Variants in MAP2K6 observed in about 807,000 individuals in gnomAD.
MAP2K6 encodes mitogen-activated protein kinase kinase 6.
Under a neutral mutation model 53.7 loss-of-function variants are expected in MAP2K6, and 16 were observed. The observed-to-expected ratio is 0.30, with a 90% CI of 0.20 to 0.45. MAP2K6 has a LOEUF of 0.45. Among genes scored for constraint, MAP2K6 ranks in the 20% least tolerant of loss-of-function variants. The pLI is 1.00. For synonymous variants in MAP2K6, 132 were observed against 143.1 expected, an observed-to-expected ratio of 0.92 and a Z score of 0.55; for missense variants, 204 against 411.9, an observed-to-expected ratio of 0.50 and a Z score of 4.37.
intron 9 of MAP2K6, among the ~76,000 whole-genome samples, chr17:69,525,857 C>A (rs1348358223): frequency 6.6e-6 from 1 of 152,140 alleles, no homozygotes; most frequent in Non-Finnish European, 1.5e-5. Flanking sequence ...ACATGATAAC[C>A]AATAGGATGA....
intron 1 of MAP2K6, among the ~76,000 whole-genome samples, chr17:69,481,606 T>C (rs1567833841): frequency 6.6e-6 from 1 of 152,166 alleles, no homozygotes. Context: ...CAAGGTGTTA[T>C]TAGGATTAAT....
chr17:69,486,673 A>C (rs1413491512), intron 1 of MAP2K6, among the ~76,000 whole-genome samples: 1 of 152,238 alleles, frequency 6.6e-6, no homozygotes, highest in Admixed American at 6.5e-5. Context: ...TCGCAGACAC[A>C]ACTTTTCAAA....
rs76869769 is a variant in MAP2K6, at chr17:69,507,851, T to A, written c.83+2005T>A. On this transcript the variant is annotated intron_variant, in intron 2 of 11. Coordinates refer to ENST00000590474, the MANE Select transcript of MAP2K6 (RefSeq NM_002758.4). ...CTGGGGTGTAAGCCCAATAGTGCAA[T>A]TGCTGGGTTATATGGTAAGCCCATC... Among the ~76,000 whole-genome samples the A allele has an allele frequency of 7.8e-3, 1,184 of 152,310 alleles. 13 individuals carry two copies. The highest frequency in any genetic ancestry group is 0.026 in the African/African-American group (1,082 of 41,562).
At chr17:69,486,520 G>A (rs1257914318) in intron 1 of MAP2K6, among the ~76,000 whole-genome samples, 2 of 152,188 alleles carry the variant, frequency 1.3e-5, no homozygotes, top group African/African-American at 2.4e-5. Context: ...GAAGTGAGAA[G>A]CATCAGGTTG....
intron 11 of MAP2K6, among the ~76,000 whole-genome samples, chr17:69,541,001 C>A (rs1051456018): frequency 2.0e-5 from 3 of 152,222 alleles, no homozygotes; most frequent in African/African-American, 7.2e-5. Context: ...TGGTGGCACA[C>A]GCCTGCAATC....
intron 1 of MAP2K6, among the ~76,000 whole-genome samples, chr17:69,475,950 T>C (rs1908135446): frequency 6.6e-6 from 1 of 152,218 alleles, no homozygotes; most frequent in South Asian, 2.1e-4. Flanking sequence ...ACTCTTAAGA[T>C]GCGAACCATG....
intron 9 of MAP2K6, among the ~76,000 whole-genome samples, 169 bp from the exon 10 acceptor site, chr17:69,526,401 G>A (rs1242441143): frequency 1.3e-5 from 2 of 152,166 alleles, no homozygotes; most frequent in East Asian, 3.9e-4. Flanking sequence ...GGAATTTGGG[G>A]AAAATTGCTA....
chr17:69,479,252 ACT>A (rs1276395665), intron 1 of MAP2K6, among the ~76,000 whole-genome samples: 1 of 152,144 alleles, frequency 6.6e-6, no homozygotes, highest in Non-Finnish European at 1.5e-5. Context: ...TTCATGGCCT[ACT>A]TCTTCCAAGC....
At chr17:69,446,976 CTTTTT>C (rs71357721) in intron 1 of MAP2K6, among the ~76,000 whole-genome samples, 1 of 129,518 alleles carries the variant, frequency 7.7e-6, no homozygotes. Context: ...ACCTCTGTTT[CTTTTT>C]TTTTTTTTTT....
rs564768778 is a variant in MAP2K6 at position 69,477,749 on chromosome 17, G to A, written c.17-28031G>A. ...TTCAGTTTCTCGTCTGCACAATGAG[G>A]ATATCAACTCGTTATGCAACTGGGA... On this transcript the variant is annotated intron_variant, in intron 1 of 11. Transcript: ENST00000590474. Among the ~76,000 whole-genome samples, 12 of 152,264 alleles carry A rather than the reference G, an allele frequency of 7.9e-5. No individual in the cohort carries two copies. The South Asian group carries it at 2.5e-3, about 32-fold the overall frequency.
chr17:69,469,164 C>T (rs1160779526), intron 1 of MAP2K6, among the ~76,000 whole-genome samples: 1 of 152,202 alleles, frequency 6.6e-6, no homozygotes, highest in Non-Finnish European at 1.5e-5. Context: ...CTAGGGGCCA[C>T]ATGCATTCCT....
intron 1 of MAP2K6, chr17:69,502,548 C>A (rs890658808): frequency 2.5e-5 from 25 of 984,522 alleles, no homozygotes; most frequent in Non-Finnish European, 3.0e-5. Context: ...ATTTTTTTTT[C>A]TTGTTGTTCT....
In MAP2K6 at chr17:69,552,986, G is replaced by A. The variant is rs915237390; in HGVS notation, c.*11233G>A. ...TTAACATAGGTTAAGTTTTGTTAGT[G>A]TTCCCAGAAATATACTGAATTGAGG... On this transcript the variant is annotated 3_prime_UTR_variant, in exon 12 of 12. Transcript: ENST00000590474. 1 of 152,148 alleles carries A rather than the reference G, an allele frequency of 6.6e-6. No homozygotes were observed. The highest frequency in any genetic ancestry group is 1.9e-4 in the East Asian group (1 of 5,188). The allele number at this position is 152,148 out of a possible 1,614,324, so 9.4% of individuals were successfully genotyped here.
intron 1 of MAP2K6, among the ~76,000 whole-genome samples, chr17:69,500,896 G>A (rs1459082399): frequency 6.6e-6 from 1 of 152,202 alleles, no homozygotes; most frequent in Non-Finnish European, 1.5e-5. Context: ...GGATGGCAGA[G>A]TCCCTGTTCA....
At chr17:69,497,263 G>T (rs1317087593) in intron 1 of MAP2K6, among the ~76,000 whole-genome samples, 3 of 152,186 alleles carry the variant, frequency 2.0e-5, no homozygotes, top group African/African-American at 7.2e-5. Flanking sequence ...GGAAGGTTCA[G>T]GGTACTGTGG....
At chr17:69,463,471 T>G (rs1907691402) in intron 1 of MAP2K6, among the ~76,000 whole-genome samples, 1 of 150,026 alleles carries the variant, frequency 6.7e-6, no homozygotes, top group Non-Finnish European at 1.5e-5. Context: ...TATGTGTGTA[T>G]ATATATACAC....
intron 9 of MAP2K6, among the ~76,000 whole-genome samples, chr17:69,525,840 C>G (rs1317046161): frequency 6.6e-6 from 1 of 152,180 alleles, no homozygotes; most frequent in Non-Finnish European, 1.5e-5. Context: ...TCAGGTATAT[C>G]CTCAATACAT....
chr17:69,502,234 G>C (rs1017354380), intron 1 of MAP2K6: 3 of 985,412 alleles, frequency 3.0e-6, no homozygotes, highest in Non-Finnish European at 3.6e-6. Flanking sequence ...GCTGCAATCC[G>C]AACTTGAGGA....
intron 1 of MAP2K6, among the ~76,000 whole-genome samples, chr17:69,466,033 G>A (rs1184244177): frequency 1.3e-5 from 2 of 150,742 alleles, no homozygotes; most frequent in African/African-American, 4.9e-5. Flanking sequence ...AGGACTTTGG[G>A]AGGCCAAGGT....
Sources: gnomAD v4.1 joint callset for allele counts (sites outside exome capture counted in the v4.1 genomes callset) on GRCh38, gnomAD v4.1.1 for gene constraint, MANE v1.5 for transcripts, NCBI Gene and HGNC (gene_info 2026-07-23, HGNC 2026-07-21) for gene names.